Variants in SETD1A observed in about 807,000 individuals in gnomAD.
SETD1A encodes the protein histone-lysine N-methyltransferase SETD1A.
A neutral mutation model predicts 149.9 loss-of-function variants in SETD1A; 29 were observed. That is an observed-to-expected ratio of 0.19 (90% CI 0.14 to 0.26). SETD1A has a LOEUF of 0.26. SETD1A is among the 10% of genes least tolerant of loss of function. The pLI is 1.00. For synonymous variants in SETD1A, 1,141 were observed against 968.5 expected (o/e 1.18, Z -3.31); for missense variants, 2,109 against 2,353.1 (o/e 0.90, Z 2.15).
At chr16:30,959,439 A>G (rs897071354) in intron 3 of SETD1A, among the ~76,000 whole-genome samples, 1 of 152,186 alleles carries the variant, frequency 6.6e-6, no homozygotes, top group Non-Finnish European at 1.5e-5. Flanking sequence ...AAGACTCTTT[A>G]GCTGCTATAC....
chr16:30,976,156 C>G (rs1340145175), intron 13 of SETD1A, among the ~76,000 whole-genome samples: 2 of 152,054 alleles, frequency 1.3e-5, no homozygotes, highest in East Asian at 3.9e-4. Flanking sequence ...CATGTAATCC[C>G]AGCACTTTGG....
intron 13 of SETD1A, 58 bp downstream of exon 13, chr16:30,971,777 CAG>C (rs757156641): frequency 1.2e-5 from 18 of 1,498,138 alleles, no homozygotes; most frequent in African/African-American, 5.6e-5. Context: ...AGAGAGAAAA[CAG>C]TGGTGCTTGC....
Position 30,980,672 on chromosome 16 carries a change from G to A in SETD1A, c.4581+15G>A, listed in dbSNP as rs747466784. 3.0e-5 allele frequency: 48 copies of A among 1,609,856 alleles called. No homozygotes were observed. Among genetic ancestry groups the A allele is most frequent in the Middle Eastern group, 3.3e-4 (2 of 6,066 alleles). ...TGGACACTCAGGTGGGCCTAACCCC[G>A]CCGCCGCGTCCTCCTGCCACTCACT... On this transcript the variant is annotated intron_variant, in intron 15 of 18. Transcript: ENST00000262519. The surrounding 1 kb of genome is among the most constrained non-coding windows in gnomAD (Gnocchi z 7.7).
chr16:30,977,945 T>C (rs1206644103), intron 13 of SETD1A, among the ~76,000 whole-genome samples: 1 of 152,182 alleles, frequency 6.6e-6, no homozygotes, highest in Non-Finnish European at 1.5e-5. Context: ...ATCTGGTAAC[T>C]GACCACATCT....
chr16:30,971,379 C>G lies in SETD1A; in HGVS notation c.3018C>G (p.Gly1006=), dbSNP rs2056221447. The change falls in exon 13 of 19, where the codon GGC becomes GGG. Residue 1006 remains glycine (G), a splice_region_variant and synonymous_variant. Transcript: ENST00000262519. ...TGACTGCCCCTTCTGGATTTCCAGG[C>G]GAGGACGAGGAAAGCGATTCGTCTT... The part of the protein sequence containing the change: ...TTKKETEVSD[G]EDEESDSSSK... The G allele has an allele frequency of 6.4e-7, 1 of 1,568,114 alleles. No individual in the cohort carries two copies. The highest frequency in any genetic ancestry group is 8.7e-7 in the Non-Finnish European group (1 of 1,151,660).
intron 13 of SETD1A, among the ~76,000 whole-genome samples, chr16:30,975,603 G>T (rs1016688157): frequency 6.8e-6 from 1 of 146,514 alleles, no homozygotes. Context: ...GCTAATTTTC[G>T]TATTTTTAGT....
chr16:30,972,959 G>C (rs1315795485), intron 13 of SETD1A, among the ~76,000 whole-genome samples: 1 of 152,214 alleles, frequency 6.6e-6, no homozygotes, highest in African/African-American at 2.4e-5. Context: ...TGCAGGAGGA[G>C]GAAGGCTTCC....
chr16:30,979,463 C>A lies in SETD1A; in HGVS notation c.3677C>A (p.Ser1226Tyr), dbSNP rs2056333543. Reference protein sequence around the residue: ...SLVKSWPEEVSRGGRSRAGGR... With the variant: ...SLVKSWPEEVYRGGRSRAGGR... Reference sequence around the variant, plus strand: ...GTCAAGAGTTGGCCCGAGGAGGTGTCCCGAGGAGGCCGGAGCCGGGCTGGA... The same window carrying A: ...GTCAAGAGTTGGCCCGAGGAGGTGTACCGAGGAGGCCGGAGCCGGGCTGGA... The change falls in exon 14 of 19, where the codon TCC becomes TAC. Residue 1226 changes from serine to tyrosine, a missense_variant. By Grantham distance (144) the Ser-to-Tyr change is moderately radical (BLOSUM62 -2). This residue lies in a region of SETD1A where 832 missense variants were observed against 815.6 expected (regional missense o/e 1.02). Transcript: ENST00000262519. 1.2e-6 allele frequency: 2 copies of A among 1,600,060 alleles called. No individual in the cohort carries two copies. The highest frequency in any genetic ancestry group is 1.7e-6 in the Non-Finnish European group (2 of 1,173,554).
intron 10 of SETD1A, 43 bp from the exon 11 acceptor site, chr16:30,969,262 T>C: frequency 6.3e-7 from 1 of 1,589,736 alleles, no homozygotes; most frequent in African/African-American, 1.3e-5. Flanking sequence ...AAGTATCTTG[T>C]GGTTGATGGT....
intron 13 of SETD1A, 131 bp downstream of exon 13, chr16:30,971,850 T>A (rs937740232): frequency 1.7e-6 from 2 of 1,207,804 alleles, no homozygotes. Context: ...TGTCACCATC[T>A]CCTGTCACTA....
chr16:30,959,266 G>A (rs114200753), intron 3 of SETD1A, 80 bp downstream of exon 3: 4 of 954,864 alleles, frequency 4.2e-6, no homozygotes, highest in Non-Finnish European at 6.9e-6. Context: ...CTGAATAAAA[G>A]GGTTTCCAAT....
intron 17 of SETD1A, among the ~76,000 whole-genome samples, chr16:30,981,699 C>G (rs2056380395): frequency 6.6e-6 from 1 of 152,210 alleles, no homozygotes; most frequent in Admixed American, 6.5e-5. Context: ...TTCAAAGGGC[C>G]TGGGAAGCGG....
chr16:30,984,318 A>G lies in SETD1A; in HGVS notation c.*295A>G. On this transcript the variant is annotated 3_prime_UTR_variant, in exon 19 of 19. Transcript: ENST00000262519. ...AAACCTGGGGTGCCGGCCTGTACAG[A>G]TTCTGTCCTGGGGGGCTACACAGTC... is the stretch of plus-strand genomic sequence containing the variant. The G allele has an allele frequency of 2.4e-6, 1 of 419,590 alleles. No individual in the cohort carries two copies. Among genetic ancestry groups the G allele is most frequent in the Non-Finnish European group, 4.4e-6 (1 of 228,706 alleles). The allele number at this position is 419,590 out of a possible 1,614,324, so 26.0% of individuals were successfully genotyped here. A position where few individuals can be genotyped will look rare whatever the true frequency, so the allele number is the denominator to read the frequency against.
rs747541034 is a variant in SETD1A, at chr16:30,979,720, G to C, written c.3934G>C (p.Ala1312Pro). Residue 1312 changes from alanine (A) to proline (P), a missense_variant, in exon 14 of 19, where the codon GCG becomes CCG. This residue lies in a region of SETD1A where 832 missense variants were observed against 815.6 expected (regional missense o/e 1.02). Transcript: ENST00000262519. ...CCTGGCCGTCAAGCCCACGCCCCCT[G>C]CGCCAGCCCTGCGGCCCCCGGAGCC... ...YALAVKPTPP[A>P]PALRPPEPVP... The C allele has an allele frequency of 1.2e-6, 2 of 1,601,040 alleles. No individual in the cohort carries two copies. Among genetic ancestry groups the C allele is most frequent in the East Asian group, 2.2e-5 (1 of 44,804 alleles).
chr16:30,971,803 A>T, intron 13 of SETD1A, 84 bp downstream of exon 13: 1 of 1,450,668 alleles, frequency 6.9e-7, no homozygotes, highest in Non-Finnish European at 9.1e-7. Context: ...TATTGTGTAC[A>T]AGTGTGTGAC....
Position 30,966,035 on chromosome 16 carries a change from T to G in SETD1A, c.2154T>G (p.Phe718Leu). Residue 718 changes from phenylalanine (F) to leucine (L), a missense_variant, in exon 8 of 19, where the codon TTT becomes TTG. Physicochemically the swap from Phe to Leu is conservative, Grantham distance 22 (BLOSUM62 0). Around this residue, in one of 8 missense-constraint regions of SETD1A, gnomAD observed 431 missense variants for 388.6 expected, o/e 1.11. Transcript: ENST00000262519. Reference protein sequence around the residue: ...GGAFGEAFLPFPPPQEAAYGL... With the variant: ...GGAFGEAFLPLPPPQEAAYGL... ...CCTTTGGGGAGGCCTTCCTCCCGTTTCCACCCCCGCAGGAGGCAGCCTACG... is the reference window on the plus strand; with the variant it reads ...CCTTTGGGGAGGCCTTCCTCCCGTTGCCACCCCCGCAGGAGGCAGCCTACG... 3 of 1,566,568 alleles carry G rather than the reference T, an allele frequency of 1.9e-6. No individual in the cohort carries two copies. The highest frequency in any genetic ancestry group is 2.6e-6 in the Non-Finnish European group (3 of 1,156,220).
chr16:30,970,644 G>A (rs898596524), intron 12 of SETD1A, among the ~76,000 whole-genome samples: 5 of 152,050 alleles, frequency 3.3e-5, no homozygotes, highest in Admixed American at 2.6e-4. Flanking sequence ...TTTCCAAACT[G>A]CTTATAGAAT....
At chr16:30,964,001 A>AG (rs1596673197) in intron 5 of SETD1A, 93 bp from the exon 6 acceptor site, 2 of 1,062,336 alleles carry the variant, frequency 1.9e-6, no homozygotes, top group East Asian at 4.7e-5. Flanking sequence ...CAAAAAAAAA[A>AG]AAAGGGAACT....
rs1375516070 is a variant in SETD1A at position 30,961,617 on chromosome 16, G to A, written c.517+80G>A. Reference sequence around the variant, plus strand: ...GCAAATGCCTGTCAGGGTCAGGCAGGCGCCCAGGGTCATGATCTGAAACTG... The same window carrying A: ...GCAAATGCCTGTCAGGGTCAGGCAGACGCCCAGGGTCATGATCTGAAACTG... On this transcript the variant is annotated intron_variant, in intron 4 of 18. Transcript: ENST00000262519. This position sits in a 1 kb window ranked among gnomAD's most constrained non-coding sequence, Gnocchi z 4.0. The A allele has an allele frequency of 1.5e-5, 21 of 1,376,782 alleles. No individual in the cohort carries two copies. Among genetic ancestry groups the A allele is most frequent in the Non-Finnish European group, 2.1e-5 (21 of 990,332 alleles). 85.3% of individuals were successfully genotyped at this position (1,376,782 alleles called of 1,614,324 possible).
Sources: gnomAD v4.1 joint callset for allele counts (sites outside exome capture counted in the v4.1 genomes callset) on GRCh38, gnomAD v4.1.1 for gene constraint, gnomAD v4.1.1 regional missense constraint, Gnocchi (gnomAD v3.1) non-coding constraint, MANE v1.5 for transcripts, NCBI Gene and HGNC (gene_info 2026-07-23, HGNC 2026-07-21) for gene names.